ARPC2: variants seen among roughly 807,000 people sequenced by gnomAD.
The protein encoded by ARPC2 is actin related protein 2/3 complex subunit 2.
Under a neutral mutation model 38.6 loss-of-function variants are expected in ARPC2, and 4 were observed. The ratio of observed to expected loss-of-function variants is 0.10; its 90% CI spans 0.05 to 0.24. ARPC2 has a LOEUF of 0.24. Among genes scored for constraint, ARPC2 ranks in the 10% least tolerant of loss-of-function variants. The pLI, the probability that ARPC2 is intolerant of heterozygous loss-of-function variation, is 1.00. For synonymous variants in ARPC2, 125 were observed against 140.8 expected (o/e 0.89, Z 0.79); for missense variants, 229 against 387.3 (o/e 0.59, Z 3.43).
intron 10 of ARPC2, among the ~76,000 whole-genome samples, chr2:218,253,185 A>T (rs2106162527): frequency 6.6e-6 from 1 of 152,278 alleles, no homozygotes; most frequent in Non-Finnish European, 1.5e-5. Context: ...AGACAGGGAA[A>T]ATCTAGAGCC....
chr2:218,217,315 C>T, intron 1 of ARPC2, 61 bp downstream of exon 1: 1 of 670,852 alleles, frequency 1.5e-6, no homozygotes, highest in Non-Finnish European at 2.6e-6. Context: ...GTTCGTCTTA[C>T]CCTTCCCTCC....
At chr2:218,226,839 T>A (rs913598760) in intron 3 of ARPC2, among the ~76,000 whole-genome samples, 1 of 152,006 alleles carries the variant, frequency 6.6e-6, no homozygotes, top group Non-Finnish European at 1.5e-5. Context: ...TTTGGAAATA[T>A]TACATTATCT....
intron 2 of ARPC2, among the ~76,000 whole-genome samples, chr2:218,225,522 C>G (rs935285835): frequency 2.0e-5 from 3 of 152,198 alleles, no homozygotes; most frequent in African/African-American, 4.8e-5. Flanking sequence ...CTACATTATA[C>G]TTAGCCATTT....
chr2:218,222,348 G>A (rs1042904667), intron 2 of ARPC2, among the ~76,000 whole-genome samples: 2 of 152,136 alleles, frequency 1.3e-5, no homozygotes, highest in Admixed American at 6.5e-5. Context: ...GAGAAAAGAA[G>A]ATGAGATAAT....
intron 4 of ARPC2, among the ~76,000 whole-genome samples, chr2:218,229,971 GC>G (rs1689591118): frequency 6.6e-6 from 1 of 151,728 alleles, no homozygotes; most frequent in Non-Finnish European, 1.5e-5. Context: ...AAGCAGCCCT[GC>G]CTCTTTTTTT....
intron 5 of ARPC2, chr2:218,235,350 T>A (rs1254210933): frequency 2.6e-5 from 4 of 154,002 alleles, no homozygotes; most frequent in South Asian, 2.0e-4. Flanking sequence ...TTAATTTTTT[T>A]AATATTTTGT....
At chr2:218,226,878 A>T in intron 3 of ARPC2, 1 of 284,254 alleles carries the variant, frequency 3.5e-6, no homozygotes, top group Non-Finnish European at 7.8e-6. Context: ...TAGTTTGCCT[A>T]GCACTAGAGT....
intron 4 of ARPC2, chr2:218,233,261 G>C (rs1487133815): frequency 1.3e-5 from 2 of 152,076 alleles, no homozygotes; most frequent in African/African-American, 4.8e-5. Flanking sequence ...GCTGAGGCAG[G>C]AGAATCGCTT....
intron 2 of ARPC2, among the ~76,000 whole-genome samples, chr2:218,225,186 T>C (rs1689469314): frequency 6.6e-6 from 1 of 152,148 alleles, no homozygotes. Flanking sequence ...AATGCAAAGG[T>C]GTAAGGGTAT....
At chr2:218,237,430 C>G (rs1016110252) in intron 5 of ARPC2, among the ~76,000 whole-genome samples, 1 of 152,022 alleles carries the variant, frequency 6.6e-6, no homozygotes, top group African/African-American at 2.4e-5. Flanking sequence ...AACTCCTGAC[C>G]TCAGGTGATC....
intron 2 of ARPC2, among the ~76,000 whole-genome samples, chr2:218,219,308 G>T (rs377665128): frequency 8.6e-5 from 13 of 151,622 alleles, no homozygotes; most frequent in Admixed American, 8.5e-4. Context: ...CCATTTCGGA[G>T]GGATTAAATA....
intron 2 of ARPC2, among the ~76,000 whole-genome samples, chr2:218,223,358 G>A (rs546340838): frequency 2.8e-4 from 43 of 152,206 alleles, no homozygotes; most frequent in Non-Finnish European, 5.3e-4. Context: ...TCACAGCATT[G>A]TAGTGCTTGT....
chr2:218,219,435 G>A (rs887926976), intron 2 of ARPC2, among the ~76,000 whole-genome samples: 1 of 150,026 alleles, frequency 6.7e-6, no homozygotes, highest in Admixed American at 6.7e-5. Flanking sequence ...CTGCAACCTC[G>A]CCCTCCCAGG....
rs1191122067 is a variant in ARPC2 at position 218,234,361 on chromosome 2, AG to A, written c.235del (p.Val79CysfsTer7). On this transcript the variant is annotated frameshift_variant, in exon 5 of 11. Transcript: ENST00000315717. LOFTEE classifies it high-confidence loss of function. The part of the protein sequence containing the change: ...QAHGADELLK[R>X]VYGSFLVNPE... ...TGTTTTTATTTTCTAGTTATTAAAG[AG>A]GGTGTACGGGAGTTTCTTGGTAAAT... is the stretch of plus-strand genomic sequence containing the variant. 1 of 1,602,448 alleles carries A rather than the reference AG, an allele frequency of 6.2e-7. No homozygotes were observed. Among genetic ancestry groups the A allele is most frequent in the Non-Finnish European group, 8.5e-7 (1 of 1,172,050 alleles).
At chr2:218,250,735 G>T (rs901511996) in intron 10 of ARPC2, among the ~76,000 whole-genome samples, 1 of 152,028 alleles carries the variant, frequency 6.6e-6, no homozygotes, top group South Asian at 2.1e-4. Flanking sequence ...AGGCGAGCAT[G>T]GCCTAGAGCC....
intron 7 of ARPC2, 62 bp from the exon 8 acceptor site, chr2:218,245,358 C>A: frequency 6.2e-7 from 1 of 1,606,252 alleles, no homozygotes; most frequent in African/African-American, 1.3e-5. Flanking sequence ...AACCCTATAG[C>A]TTGAGTTGCC....
chr2:218,226,689 T>C (rs1179892084), intron 3 of ARPC2, among the ~76,000 whole-genome samples: 1 of 151,730 alleles, frequency 6.6e-6, no homozygotes, highest in Non-Finnish European at 1.5e-5. Flanking sequence ...CAGGTCTTTT[T>C]GAGCTCTTTA....
intron 3 of ARPC2, among the ~76,000 whole-genome samples, chr2:218,227,477 G>T (rs930501691): frequency 6.6e-6 from 1 of 152,110 alleles, no homozygotes; most frequent in Admixed American, 6.5e-5. Context: ...AGGCTGGAGT[G>T]CAGTGGCGTT....
chr2:218,250,945 G>T (rs1388414931), intron 10 of ARPC2, among the ~76,000 whole-genome samples: 1 of 151,348 alleles, frequency 6.6e-6, no homozygotes, highest in Admixed American at 6.6e-5. Context: ...TCAGCTCACT[G>T]CAGCCTCTGC....
Sources: allele counts gnomAD v4.1 joint callset (sites outside exome capture counted in the v4.1 genomes callset), GRCh38; gene constraint gnomAD v4.1.1; transcripts MANE v1.5; gene names NCBI Gene and HGNC (gene_info 2026-07-23, HGNC 2026-07-21).